Variants in TGM3 observed in about 807,000 individuals in gnomAD.
TGM3 encodes the protein protein-glutamine gamma-glutamyltransferase E.
TGM3 carries 52 observed loss-of-function variants against 73.8 expected under a neutral mutation model. That is an observed-to-expected ratio of 0.70 (90% CI 0.56 to 0.89). TGM3 has a LOEUF of 0.89. Ranked by LOEUF, TGM3 falls within the 40% of genes least tolerant of loss-of-function variation. TGM3 has a pLI of 0.00. For synonymous variants in TGM3, 372 were observed against 354.9 expected (o/e 1.05, Z -0.54); for missense variants, 928 against 909.9 (o/e 1.02, Z -0.26).
intron 5 of TGM3, among the ~76,000 whole-genome samples, chr20:2,316,660 G>A (rs961837547): frequency 1.3e-5 from 2 of 152,072 alleles, no homozygotes; most frequent in Admixed American, 6.5e-5. Context: ...CCAAAAAAGA[G>A]TTTCAAACCA....
intron 11 of TGM3, 143 bp from the exon 12 acceptor site, chr20:2,339,711 A>T: frequency 9.2e-7 from 1 of 1,085,914 alleles, no homozygotes; most frequent in Non-Finnish European, 1.3e-6. Flanking sequence ...TGTGCCTGGC[A>T]CCTAGGAGGG....
intron 1 of TGM3, among the ~76,000 whole-genome samples, chr20:2,306,472 C>CTTTTTTTTTTTTTTTTTT (rs33929365): frequency 6.9e-5 from 9 of 129,622 alleles, no homozygotes; most frequent in East Asian, 2.3e-4. Flanking sequence ...CTTTTCCTTT[C>CTTTTTTTTTTTTTTTTTT]TTTTTTTTTT....
At position 2,325,922 on chromosome 20, in the gene TGM3, T is replaced by C. The variant is rs900677685; in HGVS notation, c.1057T>C (p.Leu353=). 1.9e-6 allele frequency: 3 copies of C among 1,595,540 alleles called. No individual in the cohort carries two copies. In the African/African-American group the frequency reaches 4.0e-5, roughly 21 times the overall value. The change falls in exon 8 of 13, where the codon TTG becomes CTG. Residue 353 remains leucine, a synonymous_variant. Transcript: ENST00000381458. ...LGPSYGGWQV[L]DATPQERSQG... ...CCCCTCGTACGGTGGATGGCAGGTG[T>C]TGGATGCTACCCCGCAGGAAAGAAG...
chr20:2,304,389 G>A (rs214792), intron 1 of TGM3, among the ~76,000 whole-genome samples: 113,702 of 152,088 alleles, frequency 0.75, 44,085 homozygotes, highest in East Asian at 0.93. Context: ...TCAGGGATGC[G>A]GGGCAGGCTG....
intron 1 of TGM3, among the ~76,000 whole-genome samples, chr20:2,299,212 G>A (rs928373207): frequency 4.6e-5 from 7 of 152,020 alleles, no homozygotes; most frequent in Admixed American, 3.9e-4. Context: ...GGGTGCTTAC[G>A]ATTACCTGGA....
At position 2,334,654 on chromosome 20, in the gene TGM3, G is replaced by A. The variant is rs949836553; in HGVS notation, c.1643-462G>A. ...GTATTCTTCCACTGCCCCTCAGAAG[G>A]ACACTTGTGGCTGGGAGCAGTGCTC... On this transcript the variant is annotated intron_variant, in intron 10 of 12. Coordinates refer to ENST00000381458, the MANE Select transcript of TGM3 (RefSeq NM_003245.4). The surrounding 1 kb of genome is among the most constrained non-coding windows in gnomAD (Gnocchi z 4.0). Among the ~76,000 whole-genome samples the A allele has an allele frequency of 4.6e-5, 7 of 152,168 alleles. No homozygotes were observed. Among genetic ancestry groups the A allele is most frequent in the Admixed American group, 1.3e-4 (2 of 15,282 alleles).
In TGM3 at chr20:2,334,045, C is replaced by T. The variant is rs1470995388; in HGVS notation, c.1643-1071C>T. ...TGGGTGCTGGGGCATCCCCAGGCCA[C>T]CCAGCATGACAGCCTGAGGGAAGGG... On this transcript the variant is annotated intron_variant, in intron 10 of 12. Transcript: ENST00000381458. This position sits in a 1 kb window ranked among gnomAD's most constrained non-coding sequence, Gnocchi z 4.0. Among the ~76,000 whole-genome samples, 1 of 152,174 alleles carries T rather than the reference C, an allele frequency of 6.6e-6. No individual in the cohort carries two copies. Among genetic ancestry groups the T allele is most frequent in the Non-Finnish European group, 1.5e-5 (1 of 68,036 alleles).
At chr20:2,339,165 G>C (rs1245744716) in intron 11 of TGM3, among the ~76,000 whole-genome samples, 1 of 152,196 alleles carries the variant, frequency 6.6e-6, no homozygotes, top group Non-Finnish European at 1.5e-5. Context: ...GGTTGAGCTG[G>C]GGGGACCCAA....
chr20:2,313,651 A>ACACT (rs2084218652), intron 5 of TGM3, among the ~76,000 whole-genome samples: 1 of 150,102 alleles, frequency 6.7e-6, no homozygotes, highest in Non-Finnish European at 1.5e-5. Flanking sequence ...AATCACACAC[A>ACACT]CTCTCTCTCT....
chr20:2,331,876 C>T (rs998039945), intron 9 of TGM3, 126 bp from the exon 10 acceptor site: 10 of 1,138,460 alleles, frequency 8.8e-6, no homozygotes, highest in South Asian at 6.3e-5. Flanking sequence ...CTGTGAAAGT[C>T]GAATGCCTGC....
intron 3 of TGM3, 105 bp downstream of exon 3, chr20:2,310,522 C>T: frequency 6.5e-7 from 1 of 1,526,990 alleles, no homozygotes; most frequent in Non-Finnish European, 8.8e-7. Context: ...AGGGAAAGTC[C>T]ATGGGCTGTG....
chr20:2,339,926 G>A lies in TGM3; in HGVS notation c.1873G>A (p.Val625Met). ...MLFSNPLDEP[V>M]RDCVLMVEGS... ...CTTCTCCAATCCACTGGATGAGCCG[G>A]TGAGGGACTGCGTGCTGATGGTGGA... The change falls in exon 12 of 13, where the codon GTG becomes ATG. Residue 625 changes from valine to methionine, a missense_variant. Coordinates refer to ENST00000381458, the MANE Select transcript of TGM3 (RefSeq NM_003245.4). The A allele has an allele frequency of 6.2e-7, 1 of 1,613,558 alleles. No homozygotes were observed. Among genetic ancestry groups the A allele is most frequent in the African/African-American group, 1.3e-5 (1 of 74,978 alleles).
At chr20:2,325,991 C>T in intron 8 of TGM3, 39 bp downstream of exon 8, 1 of 1,548,738 alleles carries the variant, frequency 6.5e-7, no homozygotes, top group South Asian at 1.2e-5. Context: ...GTGAGCCTCA[C>T]AGTTATTTAC....
chr20:2,302,679 G>A (rs1024689343), intron 1 of TGM3, among the ~76,000 whole-genome samples: 19 of 120,352 alleles, frequency 1.6e-4, no homozygotes, highest in African/African-American at 5.2e-4. Context: ...AACAGGCAAA[G>A]GGCATTTGCC....
chr20:2,339,845 C>A lies in TGM3; in HGVS notation c.1801-9C>A. 1 of 1,613,868 alleles carries A rather than the reference C, an allele frequency of 6.2e-7. No individual in the cohort carries two copies. The highest frequency in any genetic ancestry group is 2.2e-5 in the East Asian group (1 of 44,874). ...GGAGTCCTGACTCGGCAGCCCCTCT[C>A]CCCCATAGGTGCTGAACGAGGCTCG... is the stretch of plus-strand genomic sequence containing the variant. On this transcript the variant is annotated splice_polypyrimidine_tract_variant and intron_variant, in intron 11 of 12. Transcript: ENST00000381458.
intron 1 of TGM3, among the ~76,000 whole-genome samples, chr20:2,303,497 T>C (rs910469307): frequency 5.9e-5 from 9 of 152,080 alleles, no homozygotes; most frequent in Non-Finnish European, 2.9e-5. Flanking sequence ...ATTGTGAGTG[T>C]ACTAAATGCC....
At position 2,328,087 on chromosome 20, in the gene TGM3, G is replaced by A; in HGVS notation, c.1088-33G>A. ...GGGCACTGGGTAGGTTGTGGCCTTG[G>A]CATATATCCAGCCTCTGCATCTTGG... On this transcript the variant is annotated intron_variant, in intron 8 of 12. Transcript: ENST00000381458. This position sits in a 1 kb window ranked among gnomAD's most constrained non-coding sequence, Gnocchi z 5.2. 3.1e-6 allele frequency: 5 copies of A among 1,613,586 alleles called. No individual in the cohort carries two copies. Among genetic ancestry groups the A allele is most frequent in the Non-Finnish European group, 4.2e-6 (5 of 1,179,650 alleles).
At chr20:2,303,923 T>C (rs2084164754) in intron 1 of TGM3, among the ~76,000 whole-genome samples, 2 of 152,200 alleles carry the variant, frequency 1.3e-5, no homozygotes, top group South Asian at 4.1e-4. Flanking sequence ...CTCCATGTGC[T>C]CACATCTGGA....
chr20:2,327,528 T>A (rs1267558309), intron 8 of TGM3, among the ~76,000 whole-genome samples: 1 of 152,188 alleles, frequency 6.6e-6, no homozygotes, highest in Non-Finnish European at 1.5e-5. Context: ...AAGACCATTG[T>A]CCTGTGAAAC....
Sources: allele counts gnomAD v4.1 joint callset (sites outside exome capture counted in the v4.1 genomes callset), GRCh38; gene constraint gnomAD v4.1.1; non-coding constraint Gnocchi (gnomAD v3.1); transcripts MANE v1.5; gene names NCBI Gene and HGNC (gene_info 2026-07-23, HGNC 2026-07-21).